Variants in TOPAZ1 observed in about 807,000 individuals in gnomAD.
The protein encoded by TOPAZ1 is testis and ovary specific TOPAZ 1.
TOPAZ1 carries 66 observed loss-of-function variants against 172.2 expected under a neutral mutation model. The ratio of observed to expected loss-of-function variants is 0.38; its 90% CI spans 0.31 to 0.47. TOPAZ1 has a LOEUF of 0.47. Among genes scored for constraint, TOPAZ1 ranks in the 20% least tolerant of loss-of-function variants. The pLI, the probability that TOPAZ1 is intolerant of heterozygous loss-of-function variation, is 0.99. For missense variants in TOPAZ1, 1,822 were observed against 1,972.4 expected (o/e 0.92, Z 1.44); for synonymous variants, 681 against 683.9 (o/e 1.00, Z 0.07).
intron 16 of TOPAZ1, among the ~76,000 whole-genome samples, chr3:44,312,246 A>C (rs1559546257): frequency 6.6e-6 from 1 of 151,994 alleles, no homozygotes; most frequent in African/African-American, 2.4e-5. Context: ...AAAAAAAAAA[A>C]AACACAGGAA....
intron 4 of TOPAZ1, among the ~76,000 whole-genome samples, chr3:44,258,771 C>T (rs1213209015): frequency 6.6e-6 from 1 of 152,136 alleles, no homozygotes; most frequent in Non-Finnish European, 1.5e-5. Context: ...AAGCTGCTAT[C>T]TATAAACGTT....
chr3:44,316,000 C>G (rs1271215134), intron 16 of TOPAZ1, among the ~76,000 whole-genome samples: 1 of 151,822 alleles, frequency 6.6e-6, no homozygotes, highest in Non-Finnish European at 1.5e-5. Flanking sequence ...TTTGGGAGGC[C>G]GAGGCAGTTG....
intron 2 of TOPAZ1, among the ~76,000 whole-genome samples, chr3:44,252,146 T>G (rs1699639927): frequency 1.3e-5 from 2 of 152,210 alleles, no homozygotes; most frequent in Admixed American, 1.3e-4. Context: ...ATCTTAATAC[T>G]TGGAAATTAA....
At position 44,305,149 on chromosome 3, in the gene TOPAZ1, T is replaced by G. The variant is rs189670541; in HGVS notation, c.3867T>G (p.His1289Gln). 3 of 1,505,654 alleles carry G rather than the reference T, an allele frequency of 2.0e-6. No individual in the cohort carries two copies. In the African/African-American group the frequency reaches 4.3e-5, roughly 21 times the overall value. 93.3% of individuals were successfully genotyped at this position (1,505,654 alleles called of 1,614,324 possible). A position where few individuals can be genotyped will look rare whatever the true frequency, so the allele number is the denominator to read the frequency against. ...DLDSALNKLE[H>Q]CKEKGDWTKL... ...TTTGTTTTTAATAATTTTGATAGCA[T>G]TGTAAAGAAAAAGGTGACTGGACCA... The change falls in exon 14 of 20, where the codon CAT becomes CAG. Residue 1289 changes from histidine to glutamine, a missense_variant and splice_region_variant. Around this residue, in one of 2 missense-constraint regions of TOPAZ1, gnomAD observed 333 missense variants for 481.7 expected, o/e 0.69. Coordinates refer to ENST00000309765, the MANE Select transcript of TOPAZ1 (RefSeq NM_001145030.2).
Position 44,321,126 on chromosome 3 carries a change from C to T in TOPAZ1, c.4406C>T (p.Ala1469Val), listed in dbSNP as rs1316769704. ...TGTACAATTGCACATGAAATCTTAG[C>T]CAAGAGCCTTTATAGACAGACATTT... ...LLCTIAHEIL[A>V]KSLYRQTFEV... The change falls in exon 17 of 20, where the codon GCC becomes GTC. Residue 1469 changes from alanine (A) to valine (V), a missense_variant. This residue lies in a region of TOPAZ1 where 333 missense variants were observed against 481.7 expected (regional missense o/e 0.69). Coordinates refer to ENST00000309765, the MANE Select transcript of TOPAZ1 (RefSeq NM_001145030.2). The T allele has an allele frequency of 6.4e-7, 1 of 1,550,616 alleles. No homozygotes were observed. Among genetic ancestry groups the T allele is most frequent in the Non-Finnish European group, 8.7e-7 (1 of 1,146,452 alleles).
chr3:44,242,707 G>T, intron 1 of TOPAZ1, 146 bp from the exon 2 acceptor site: 1 of 712,426 alleles, frequency 1.4e-6, no homozygotes. Context: ...CAGAAATTAA[G>T]GCTTTCATTT....
At chr3:44,328,489 C>T in intron 19 of TOPAZ1, 56 bp downstream of exon 19, 1 of 955,840 alleles carries the variant, frequency 1.0e-6, no homozygotes, top group South Asian at 1.8e-5. Context: ...TCCCCACACC[C>T]ACCCTAAGAT....
At chr3:44,306,546 G>A (rs974259287) in intron 15 of TOPAZ1, 120 bp downstream of exon 15, 13 of 547,084 alleles carry the variant, frequency 2.4e-5, no homozygotes, top group African/African-American at 2.2e-4. Flanking sequence ...AATTGATAAA[G>A]TGGGACCCAG....
intron 8 of TOPAZ1, among the ~76,000 whole-genome samples, chr3:44,271,027 A>G (rs1699890780): frequency 1.3e-5 from 2 of 152,150 alleles, no homozygotes; most frequent in Non-Finnish European, 2.9e-5. Flanking sequence ...TCATTGTCCT[A>G]TAATAGTTAA....
chr3:44,270,955 T>G lies in TOPAZ1; in HGVS notation c.3372+145T>G, dbSNP rs11130024. On this transcript the variant is annotated intron_variant, in intron 8 of 19. Coordinates refer to ENST00000309765, the MANE Select transcript of TOPAZ1 (RefSeq NM_001145030.2). ...CTTTATATAAATGGAATCATATGTG[T>G]ATTCTTTAGTCTGTCTTCTTTTGCT... 1.8e-5 allele frequency: 12 copies of G among 670,296 alleles called. No individual in the cohort carries two copies. The Middle Eastern group carries it at 1.3e-3, about 71-fold the overall frequency. 41.5% of individuals were successfully genotyped at this position (670,296 alleles called of 1,614,324 possible). A position where few individuals can be genotyped will look rare whatever the true frequency, so the allele number is the denominator to read the frequency against.
At chr3:44,271,397 T>G (rs1378717700) in intron 8 of TOPAZ1, among the ~76,000 whole-genome samples, 1 of 152,180 alleles carries the variant, frequency 6.6e-6, no homozygotes. Context: ...TGAGCACTTT[T>G]CAATGTTTAT....
chr3:44,258,634 A>G (rs912897343), intron 4 of TOPAZ1, among the ~76,000 whole-genome samples: 3 of 151,896 alleles, frequency 2.0e-5, no homozygotes, highest in African/African-American at 7.3e-5. Context: ...GTCATTGCAT[A>G]TATCGGTAGT....
At chr3:44,256,569 A>G (rs1699706178) in intron 4 of TOPAZ1, among the ~76,000 whole-genome samples, 1 of 152,196 alleles carries the variant, frequency 6.6e-6, no homozygotes, top group Non-Finnish European at 1.5e-5. Flanking sequence ...ATAAAATATT[A>G]CATATTTTTC....
chr3:44,303,891 T>A, intron 12 of TOPAZ1, 124 bp from the exon 13 acceptor site: 1 of 484,988 alleles, frequency 2.1e-6, no homozygotes, highest in Non-Finnish European at 3.6e-6. Flanking sequence ...AGAATGTTTA[T>A]AGCATATTAT....
chr3:44,302,424 G>T (rs1185292936), intron 12 of TOPAZ1, among the ~76,000 whole-genome samples: 2 of 152,010 alleles, frequency 1.3e-5, no homozygotes, highest in Non-Finnish European at 2.9e-5. Context: ...AATAATAATG[G>T]TAAAATAAAA....
At chr3:44,258,243 T>C (rs1252984705) in intron 4 of TOPAZ1, among the ~76,000 whole-genome samples, 1 of 152,228 alleles carries the variant, frequency 6.6e-6, no homozygotes, top group African/African-American at 2.4e-5. Context: ...TGAGATAAAT[T>C]GTGGATTCAC....
At chr3:44,266,841 T>G (rs1023958734) in intron 5 of TOPAZ1, among the ~76,000 whole-genome samples, 156 bp from the exon 6 acceptor site, 7 of 152,140 alleles carry the variant, frequency 4.6e-5, no homozygotes, top group Non-Finnish European at 7.4e-5. Context: ...TGGCACCAAT[T>G]AGACTTGCTC....
intron 15 of TOPAZ1, among the ~76,000 whole-genome samples, chr3:44,308,410 GA>G (rs1341049292): frequency 6.6e-6 from 1 of 152,082 alleles, no homozygotes; most frequent in Non-Finnish European, 1.5e-5. Context: ...AGTTTGCTCA[GA>G]ATGATGGTTT....
intron 4 of TOPAZ1, among the ~76,000 whole-genome samples, chr3:44,261,551 T>C (rs540344693): frequency 6.6e-6 from 1 of 152,308 alleles, no homozygotes; most frequent in South Asian, 2.1e-4. Context: ...CAGTTTTGGT[T>C]ACTATAGCCC....
Sources: gnomAD v4.1 joint callset for allele counts (sites outside exome capture counted in the v4.1 genomes callset) on GRCh38, gnomAD v4.1.1 for gene constraint, gnomAD v4.1.1 regional missense constraint, MANE v1.5 for transcripts, NCBI Gene and HGNC (gene_info 2026-07-23, HGNC 2026-07-21) for gene names.